Variants in TRHDE observed in about 807,000 individuals in gnomAD.
TRHDE encodes thyrotropin releasing hormone degrading enzyme.
In TRHDE, 72 loss-of-function variants were observed where a neutral mutation model predicts 125.7. That is an observed-to-expected ratio of 0.57 (90% CI 0.47 to 0.70). The LOEUF (loss-of-function observed/expected upper bound fraction) is 0.70, where lower values mean the gene tolerates loss of function less well. Ranked by LOEUF, TRHDE falls within the 30% of genes least tolerant of loss-of-function variation. TRHDE has a pLI of 0.00. For synonymous variants in TRHDE, 509 were observed against 509.1 expected, an observed-to-expected ratio of 1.00 and a Z score of 0.00; for missense variants, 1,110 against 1,327.1, an observed-to-expected ratio of 0.84 and a Z score of 2.54.
intron 7 of TRHDE, among the ~76,000 whole-genome samples, chr12:72,547,144 T>G (rs1387182816): frequency 7.0e-6 from 1 of 143,076 alleles, no homozygotes; most frequent in African/African-American, 2.7e-5. Flanking sequence ...TTGCATTATT[T>G]TTACTTGTTT....
At chr12:72,302,833 C>T (rs1423777369) in intron 2 of TRHDE, among the ~76,000 whole-genome samples, 1 of 152,168 alleles carries the variant, frequency 6.6e-6, no homozygotes, top group Non-Finnish European at 1.5e-5. Flanking sequence ...CAGGGTTTCT[C>T]AAGCTCAAGC....
chr12:72,129,049 C>T (rs1347035909), intron 2 of TRHDE, among the ~76,000 whole-genome samples: 5 of 152,174 alleles, frequency 3.3e-5, no homozygotes, highest in Non-Finnish European at 7.3e-5. Flanking sequence ...GAGAATATGT[C>T]ACATGTGTAC....
At chr12:72,135,743 C>T (rs941531504) in intron 2 of TRHDE, among the ~76,000 whole-genome samples, 5 of 152,122 alleles carry the variant, frequency 3.3e-5, no homozygotes, top group African/African-American at 1.2e-4. Flanking sequence ...TAAGTTTGTT[C>T]TGCCTTCATT....
chr12:72,108,928 A>G (rs1194227644), intron 2 of TRHDE, among the ~76,000 whole-genome samples: 1 of 152,098 alleles, frequency 6.6e-6, no homozygotes. Context: ...TAGGTCTGCA[A>G]TATAGAGCCA....
intron 5 of TRHDE, among the ~76,000 whole-genome samples, chr12:72,483,666 T>A (rs1877276112): frequency 6.6e-6 from 1 of 151,962 alleles, no homozygotes; most frequent in Non-Finnish European, 1.5e-5. Context: ...ATATGATAGG[T>A]TCTTAATTGA....
At chr12:72,374,518 A>G (rs900301443) in intron 2 of TRHDE, among the ~76,000 whole-genome samples, 9 of 152,138 alleles carry the variant, frequency 5.9e-5, no homozygotes, top group Admixed American at 2.6e-4. Context: ...TGAGCGTAGC[A>G]GAAAAGTAAA....
At chr12:72,591,418 A>C (rs76523725) in intron 12 of TRHDE, among the ~76,000 whole-genome samples, 4,855 of 152,242 alleles carry the variant, frequency 0.032, 260 homozygotes, top group African/African-American at 0.11. Context: ...CTCCAACTAC[A>C]TAAGTCCATA....
intron 2 of TRHDE, among the ~76,000 whole-genome samples, chr12:72,355,953 G>A (rs537975012): frequency 6.6e-6 from 1 of 151,722 alleles, no homozygotes; most frequent in Non-Finnish European, 1.5e-5. Context: ...AGTGTTGATG[G>A]GATAACCATT....
chr12:72,426,030 A>T (rs1004286136), intron 3 of TRHDE, among the ~76,000 whole-genome samples: 1 of 152,124 alleles, frequency 6.6e-6, no homozygotes, highest in Non-Finnish European at 1.5e-5. Context: ...GGTGGCAGGG[A>T]TGATGCTCAC....
At position 72,272,984 on chromosome 12, in the gene TRHDE, G is replaced by T; in HGVS notation, c.341G>T (p.Gly114Val). The T allele has an allele frequency of 6.4e-7, 1 of 1,555,460 alleles. No individual in the cohort carries two copies. Among genetic ancestry groups the T allele is most frequent in the Non-Finnish European group, 8.6e-7 (1 of 1,157,046 alleles). Reference sequence around the variant, plus strand: ...CTCAGCCTGCGCTTCGACGAGTGCGGGGCGAGTGCCACGCCAGGCGCCGAC... The same window carrying T: ...CTCAGCCTGCGCTTCGACGAGTGCGTGGCGAGTGCCACGCCAGGCGCCGAC... ...VLLSLRFDEC[G>V]ASATPGADGG... The change falls in exon 1 of 19, where the codon GGG becomes GTG. Residue 114 changes from glycine (G) to valine (V), a missense_variant. Physicochemically the swap from Gly to Val is moderately radical, Grantham distance 109. Around this residue, in one of 5 missense-constraint regions of TRHDE, gnomAD observed 248 missense variants for 240.8 expected, o/e 1.03. Coordinates refer to ENST00000261180, the MANE Select transcript of TRHDE (RefSeq NM_013381.3). The surrounding 1 kb of genome is among the most constrained non-coding windows in gnomAD (Gnocchi z 6.7).
At chr12:72,456,128 TACACACACACACACACACACAC>T (rs58045175) in intron 3 of TRHDE, among the ~76,000 whole-genome samples, 26 of 134,828 alleles carry the variant, frequency 1.9e-4, no homozygotes, top group African/African-American at 5.7e-4. Flanking sequence ...AATATGTAAT[TACACACACACACACACACACAC>T]ACACACACAC....
chr12:72,099,954 G>T (rs117634936), intron 1 of TRHDE, among the ~76,000 whole-genome samples: 1 of 152,126 alleles, frequency 6.6e-6, no homozygotes, highest in African/African-American at 2.4e-5. Flanking sequence ...ATATCTGGAC[G>T]TGCAGAGATT....
intron 3 of TRHDE, among the ~76,000 whole-genome samples, chr12:72,440,787 C>T (rs935337693): frequency 9.2e-5 from 14 of 151,756 alleles, no homozygotes; most frequent in Admixed American, 2.6e-4. Context: ...CAGAGTAGAT[C>T]GCACCCAACA....
intron 15 of TRHDE, among the ~76,000 whole-genome samples, chr12:72,625,098 T>A (rs1190300807): frequency 6.6e-6 from 1 of 152,048 alleles, no homozygotes; most frequent in East Asian, 1.9e-4. Flanking sequence ...TTACTGCAGA[T>A]GAACTGTTAT....
chr12:72,256,628 A>G (rs1050199009), intron 2 of TRHDE: 3 of 150,250 alleles, frequency 2.0e-5, no homozygotes, highest in Non-Finnish European at 4.5e-5. Flanking sequence ...ATATTTGTTG[A>G]CTAAATGAAT....
intron 3 of TRHDE, among the ~76,000 whole-genome samples, chr12:72,393,787 A>G (rs1200949294): frequency 6.6e-6 from 1 of 152,184 alleles, no homozygotes; most frequent in Admixed American, 6.6e-5. Flanking sequence ...TAGAATGTTG[A>G]GCTGAGATGT....
At chr12:72,516,344 TGAA>T (rs1406649427) in intron 6 of TRHDE, among the ~76,000 whole-genome samples, 2 of 152,206 alleles carry the variant, frequency 1.3e-5, no homozygotes, top group African/African-American at 4.8e-5. Context: ...TAGTTCTTCT[TGAA>T]GAGGTCCTTC....
upstream of TRHDE, among the ~76,000 whole-genome samples, chr12:72,269,663 C>T (rs1879150166): frequency 6.6e-6 from 1 of 152,138 alleles, no homozygotes; most frequent in South Asian, 2.1e-4. Context: ...CACAGCAAGA[C>T]AGAAGGAATC....
At position 72,273,634 on chromosome 12, in the gene TRHDE, G is replaced by A; in HGVS notation, c.914+77G>A. On this transcript the variant is annotated intron_variant, in intron 1 of 18. Coordinates refer to ENST00000261180, the MANE Select transcript of TRHDE (RefSeq NM_013381.3). This position sits in a 1 kb window ranked among gnomAD's most constrained non-coding sequence, Gnocchi z 5.3. The stretch of plus-strand genomic sequence containing the variant: ...ACCTCTGGGCGGCCTGCGACCCCGG[G>A]GACCCAGCTGGCTTCCAATACCCGG... The A allele has an allele frequency of 7.1e-7, 1 of 1,400,546 alleles. No homozygotes were observed. Among genetic ancestry groups the A allele is most frequent in the Non-Finnish European group, 9.6e-7 (1 of 1,037,772 alleles). The allele number at this position is 1,400,546 out of a possible 1,614,324, so 86.8% of individuals were successfully genotyped here.
Sources: allele counts gnomAD v4.1 joint callset (sites outside exome capture counted in the v4.1 genomes callset), GRCh38; gene constraint gnomAD v4.1.1; regional missense constraint gnomAD v4.1.1; non-coding constraint Gnocchi (gnomAD v3.1); transcripts MANE v1.5; gene names NCBI Gene and HGNC (gene_info 2026-07-23, HGNC 2026-07-21).